The following LRP1 variants were observed in gnomAD, a reference collection of about 807,000 sequenced individuals.
The protein encoded by LRP1 is LDL receptor related protein 1.
A neutral mutation model predicts 541.5 loss-of-function variants in LRP1; 51 were observed. The ratio of observed to expected loss-of-function variants is 0.09; its 90% CI spans 0.08 to 0.12. LRP1 has a LOEUF of 0.12. Among genes scored for constraint, LRP1 ranks in the 10% least tolerant of loss-of-function variants. LRP1 has a pLI of 1.00. For synonymous variants in LRP1, 2,219 were observed against 2,470.8 expected (o/e 0.90, Z 3.02); for missense variants, 3,878 against 6,376.2 (o/e 0.61, Z 13.34).
At chr12:57,193,731 C>A in intron 47 of LRP1, 46 bp downstream of exon 47, 1 of 1,613,710 alleles carries the variant, frequency 6.2e-7, no homozygotes, top group East Asian at 2.2e-5. Flanking sequence ...TCAGTTCCTG[C>A]CCCACCCCTC....
rs1307720508 is a variant in LRP1 at position 57,211,977 on chromosome 12, G to A, written c.13309G>A (p.Val4437Met). Residue 4437 changes from valine (V) to methionine (M), a missense_variant, in exon 87 of 89, where the codon GTG (valine) becomes ATG (methionine). Physicochemically the swap from Val to Met is conservative, Grantham distance 21. Around this residue, in one of 13 missense-constraint regions of LRP1, gnomAD observed 871 missense variants for 1,212.4 expected, o/e 0.72. Coordinates refer to ENST00000243077, the MANE Select transcript of LRP1 (RefSeq NM_002332.3). This position sits in a 1 kb window ranked among gnomAD's most constrained non-coding sequence, Gnocchi z 4.3. Reference protein sequence around the residue: ...PLLLLLLLVLVAGVVFWYKRR... With the variant: ...PLLLLLLLVLMAGVVFWYKRR... ...GCTGTTGCTGCTGCTGCTGGTTCTG[G>A]TGGCCGGAGTGGTATTCTGGTATAA... 1 of 1,614,164 alleles carries A rather than the reference G, an allele frequency of 6.2e-7. No individual in the cohort carries two copies. The highest frequency in any genetic ancestry group is 2.2e-5 in the East Asian group (1 of 44,882).
chr12:57,212,825 A>G lies in LRP1; in HGVS notation c.*270A>G, dbSNP rs939202983. The G allele has an allele frequency of 5.0e-6, 2 of 398,836 alleles. No homozygotes were observed. The highest frequency in any genetic ancestry group is 4.2e-5 in the African/African-American group (2 of 47,776). 24.7% of individuals were successfully genotyped at this position (398,836 alleles called of 1,614,324 possible). A position where few individuals can be genotyped will look rare whatever the true frequency, so the allele number is the denominator to read the frequency against. On this transcript the variant is annotated 3_prime_UTR_variant, in exon 89 of 89. Transcript: ENST00000243077. This position sits in a 1 kb window ranked among gnomAD's most constrained non-coding sequence, Gnocchi z 5.0. ...TTGGGGCTGCACCTCCTACCCTCCC[A>G]CCAGAACGCACCCCACTGGGAGAGC... is the stretch of plus-strand genomic sequence containing the variant.
Position 57,154,684 on chromosome 12 carries a change from A to G in LRP1, c.1210A>G (p.Ile404Val), listed in dbSNP as rs770491458. Residue 404 changes from isoleucine to valine, a missense_variant, in exon 8 of 89, where the codon ATC becomes GTC. Coordinates refer to ENST00000243077, the MANE Select transcript of LRP1 (RefSeq NM_002332.3). This position sits in a 1 kb window ranked among gnomAD's most constrained non-coding sequence, Gnocchi z 4.6. ...CTATGAGGGCAAGGGCCGCCAGACC[A>G]TCATCCAGGGCATCCTGGTGAGGGA... ...VDYEGKGRQT[I>V]IQGILIEHLY... 1.3e-6 allele frequency: 2 copies of G among 1,563,372 alleles called. No homozygotes were observed. Among genetic ancestry groups the G allele is most frequent in the Non-Finnish European group, 1.7e-6 (2 of 1,153,538 alleles).
chr12:57,169,953 C>G (rs1481832187), intron 20 of LRP1, among the ~76,000 whole-genome samples: 4 of 152,222 alleles, frequency 2.6e-5, no homozygotes, highest in Non-Finnish European at 5.9e-5. Flanking sequence ...ATTTTTAACA[C>G]TACAGTATTA....
chr12:57,154,290 C>T lies in LRP1; in HGVS notation c.924C>T (p.Asn308=), dbSNP rs1399118504. The T allele has an allele frequency of 1.9e-6, 3 of 1,614,236 alleles. No homozygotes were observed. Among genetic ancestry groups the T allele is most frequent in the Non-Finnish European group, 1.7e-6 (2 of 1,180,024 alleles). Residue 308 remains asparagine (N), a synonymous_variant, in exon 7 of 89, where the codon AAC becomes AAT. Coordinates refer to ENST00000243077, the MANE Select transcript of LRP1 (RefSeq NM_002332.3). The surrounding 1 kb of genome is among the most constrained non-coding windows in gnomAD (Gnocchi z 4.6). ...TCGATGATAGGATCTTTGTCTGCAA[C>T]AGAAATGGGGACACATGTGTCACAT... ...DDIDDRIFVC[N]RNGDTCVTLL...
rs765402939 is a variant in LRP1, at chr12:57,183,846, C to A, written c.5866C>A (p.Arg1956Ser). ...CCGGGCCAAGCGGGACCAGACGTGG[C>A]GTGAAGACGTGGTGACCAATGGCAT... ...ISRAKRDQTW[R>S]EDVVTNGIGR... The change falls in exon 36 of 89, where the codon CGT becomes AGT. Residue 1956 changes from arginine (R) to serine (S), a missense_variant. Arg to Ser is a moderately radical substitution (Grantham distance 110). This residue lies in a region of LRP1 where 394 missense variants were observed against 635.9 expected (regional missense o/e 0.62). Coordinates refer to ENST00000243077, the MANE Select transcript of LRP1 (RefSeq NM_002332.3). This position sits in a 1 kb window ranked among gnomAD's most constrained non-coding sequence, Gnocchi z 6.1. 1 of 1,614,130 alleles carries A rather than the reference C, an allele frequency of 6.2e-7. No homozygotes were observed. Among genetic ancestry groups the A allele is most frequent in the East Asian group, 2.2e-5 (1 of 44,878 alleles).
At position 57,165,904 on chromosome 12, in the gene LRP1, A is replaced by G; in HGVS notation, c.2630A>G (p.Asn877Ser). The stretch of plus-strand genomic sequence containing the variant: ...GAGCGCTGGAAGTGTGACGGAGACA[A>G]CGATTGCCTGGACAACAGTGATGAG... ...IQERWKCDGD[N>S]DCLDNSDEAP... The change falls in exon 16 of 89, where the codon AAC becomes AGC. Residue 877 changes from asparagine (N) to serine (S), a missense_variant. Asn to Ser is a conservative substitution (Grantham distance 46). This residue lies in a region of LRP1 where 496 missense variants were observed against 861.0 expected (regional missense o/e 0.58). Transcript: ENST00000243077. The surrounding 1 kb of genome is among the most constrained non-coding windows in gnomAD (Gnocchi z 4.5). 6.2e-7 allele frequency: 1 copy of G among 1,614,164 alleles called. No homozygotes were observed. Among genetic ancestry groups the G allele is most frequent in the Non-Finnish European group, 8.5e-7 (1 of 1,180,030 alleles).
chr12:57,208,580 G>A lies in LRP1; in HGVS notation c.12039-131G>A, dbSNP rs562080920. 1,573 of 623,920 alleles carry A rather than the reference G, an allele frequency of 2.5e-3. 20 individuals are homozygous for A. The highest frequency in any genetic ancestry group is 7.4e-4 in the Non-Finnish European group (260 of 349,792). The allele number at this position is 623,920 out of a possible 1,614,324, so 38.6% of individuals were successfully genotyped here. On this transcript the variant is annotated intron_variant, in intron 77 of 88. Coordinates refer to ENST00000243077, the MANE Select transcript of LRP1 (RefSeq NM_002332.3). ...GAAGCAGACTCCCGCCTGCTTCTCT[G>A]TAGAAGGACAGAATGCCCTCCTCCC...
In LRP1 at chr12:57,177,723, C is replaced by T. The variant is rs2036076596; in HGVS notation, c.4361+132C>T. 3 of 1,116,568 alleles carry T rather than the reference C, an allele frequency of 2.7e-6. No homozygotes were observed. The highest frequency in any genetic ancestry group is 2.5e-6 in the Non-Finnish European group (2 of 784,318). 69.2% of individuals were successfully genotyped at this position (1,116,568 alleles called of 1,614,324 possible). A position where few individuals can be genotyped will look rare whatever the true frequency, so the allele number is the denominator to read the frequency against. On this transcript the variant is annotated intron_variant, in intron 26 of 88. Transcript: ENST00000243077. This position sits in a 1 kb window ranked among gnomAD's most constrained non-coding sequence, Gnocchi z 6.8. ...CTAGGAACGGTGGCAAAGGACTGGG[C>T]ACAGGAGGAGGAGGACGGAGGGGCG...
At chr12:57,194,530 T>TG in intron 49 of LRP1, 27 bp downstream of exon 49, 3 of 1,611,378 alleles carry the variant, frequency 1.9e-6, no homozygotes, top group Middle Eastern at 1.7e-4. Context: ...GTGTGGTGGG[T>TG]GGTGGCCTGC....
At position 57,184,151 on chromosome 12, in the gene LRP1, G is replaced by A. The variant is rs766366256; in HGVS notation, c.5996G>A (p.Arg1999His). The A allele has an allele frequency of 3.7e-6, 6 of 1,614,062 alleles. No individual in the cohort carries two copies. The highest frequency in any genetic ancestry group is 1.7e-5 in the Admixed American group (1 of 60,024). Reference sequence around the variant, plus strand: ...GTCGCCCGGCTCAATGGCTCCTTCCGCTACGTGGTGATCTCCCAGGGTCTA... The same window carrying A: ...GTCGCCCGGCTCAATGGCTCCTTCCACTACGTGGTGATCTCCCAGGGTCTA... The part of the protein sequence containing the change: ...IEVARLNGSF[R>H]YVVISQGLDK... The change falls in exon 37 of 89, where the codon CGC (arginine) becomes CAC (histidine). Residue 1999 changes from arginine (R) to histidine (H), a missense_variant. Around this residue, in one of 13 missense-constraint regions of LRP1, gnomAD observed 394 missense variants for 635.9 expected, o/e 0.62. Coordinates refer to ENST00000243077, the MANE Select transcript of LRP1 (RefSeq NM_002332.3). The surrounding 1 kb of genome is among the most constrained non-coding windows in gnomAD (Gnocchi z 7.8).
chr12:57,196,754 C>T (rs2036541496), intron 55 of LRP1, among the ~76,000 whole-genome samples: 1 of 152,176 alleles, frequency 6.6e-6, no homozygotes, highest in South Asian at 2.1e-4. Context: ...AGAACAGCCA[C>T]GAGAAGAAAG....
chr12:57,210,280 C>T, intron 81 of LRP1, 27 bp from the exon 82 acceptor site: 1 of 1,549,680 alleles, frequency 6.5e-7, no homozygotes, highest in Non-Finnish European at 8.7e-7. Flanking sequence ...TCCCCTGGCT[C>T]TGCCCCTTGA....
At chr12:57,181,330 C>T (rs1057386021) in intron 34 of LRP1, 39 bp downstream of exon 34, 5 of 1,588,242 alleles carry the variant, frequency 3.1e-6, no homozygotes, top group Admixed American at 3.4e-5. Flanking sequence ...GTCCCAGCTC[C>T]CCAACCCTGA....
chr12:57,154,169 C>T lies in LRP1; in HGVS notation c.842-39C>T, dbSNP rs761968901. On this transcript the variant is annotated intron_variant, in intron 6 of 88. Transcript: ENST00000243077. This position sits in a 1 kb window ranked among gnomAD's most constrained non-coding sequence, Gnocchi z 4.6. ...AAGGGTGGGCATCTCTGCAAGAGGGCCTACCCCACCCCATGGCTCTTTCAT... is the reference window on the plus strand; with the variant it reads ...AAGGGTGGGCATCTCTGCAAGAGGGTCTACCCCACCCCATGGCTCTTTCAT... 6.3e-7 allele frequency: 1 copy of T among 1,587,090 alleles called. No homozygotes were observed. Among genetic ancestry groups the T allele is most frequent in the Non-Finnish European group, 8.6e-7 (1 of 1,160,588 alleles).
intron 6 of LRP1, among the ~76,000 whole-genome samples, chr12:57,151,917 A>C (rs1420265059): frequency 1.3e-5 from 2 of 152,172 alleles, no homozygotes; most frequent in African/African-American, 4.8e-5. Context: ...GCTTGCAACT[A>C]ATAGTCTCCA....
rs764385046 is a variant in LRP1, at chr12:57,198,329, G to A, written c.9456G>A (p.Val3152=). The A allele has an allele frequency of 4.2e-5, 67 of 1,613,416 alleles. No homozygotes were observed. Among genetic ancestry groups the A allele is most frequent in the Non-Finnish European group, 5.3e-5 (62 of 1,179,722 alleles). ...TCCGTGAGCCCAGGGCTCTGGTGGT[G>A]GATGTGCAGAATGGGTATGTGGCTG... ...SGLREPRALV[V]DVQNGYLYWT... Residue 3152 remains valine (V), a synonymous_variant, in exon 59 of 89, where the codon GTG becomes GTA. Transcript: ENST00000243077.
At chr12:57,194,072 C>A (rs781711097) in intron 48 of LRP1, 60 bp downstream of exon 48, 1 of 1,444,114 alleles carries the variant, frequency 6.9e-7, no homozygotes, top group Non-Finnish European at 9.7e-7. Flanking sequence ...CTGCATCTCC[C>A]GCCTTCAGGC....
chr12:57,180,349 T>A lies in LRP1; in HGVS notation c.5256T>A (p.Pro1752=). The change falls in exon 32 of 89, where the codon CCT becomes CCA. Residue 1752 remains proline (P), a synonymous_variant. Coordinates refer to ENST00000243077, the MANE Select transcript of LRP1 (RefSeq NM_002332.3). ...KGPVGLAIDF[P]ESKLYWISSG... is the part of the protein sequence containing the mutation. ...TTCCAGGCCTGGCTATTGACTTCCC[T>A]GAAAGCAAACTCTACTGGATCAGCT... The A allele has an allele frequency of 3.7e-6, 6 of 1,614,076 alleles. No homozygotes were observed. Among genetic ancestry groups the A allele is most frequent in the Non-Finnish European group, 5.1e-6 (6 of 1,180,010 alleles).
Sources: gnomAD v4.1 joint callset for allele counts (sites outside exome capture counted in the v4.1 genomes callset) on GRCh38, gnomAD v4.1.1 for gene constraint, gnomAD v4.1.1 regional missense constraint, Gnocchi (gnomAD v3.1) non-coding constraint, MANE v1.5 for transcripts, NCBI Gene and HGNC (gene_info 2026-07-23, HGNC 2026-07-21) for gene names.